Variants in FARP2 observed in about 807,000 individuals in gnomAD.
The protein encoded by FARP2 is FERM, ARHGEF and pleckstrin domain-containing protein 2.
In FARP2, 111 loss-of-function variants were observed where a neutral mutation model predicts 130.5. The observed-to-expected ratio is 0.85, with a 90% CI of 0.73 to 1.00. The LOEUF (loss-of-function observed/expected upper bound fraction) is 1.00. Among genes scored for constraint, FARP2 ranks in the 50% least tolerant of loss-of-function variants. FARP2 has a pLI of 0.00. For missense variants in FARP2, 1,385 were observed against 1,346.3 expected (o/e 1.03, Z -0.45); for synonymous variants, 504 against 516.9 (o/e 0.98, Z 0.34).
At chr2:241,406,129 C>T (rs1490376193) in intron 4 of FARP2, among the ~76,000 whole-genome samples, 16 of 151,748 alleles carry the variant, frequency 1.1e-4, no homozygotes, top group Middle Eastern at 3.2e-3. Flanking sequence ...TGGTGAAACT[C>T]CGCCTCTACT....
chr2:241,360,264 T>G (rs907870514), intron 1 of FARP2, among the ~76,000 whole-genome samples: 1 of 152,102 alleles, frequency 6.6e-6, no homozygotes, highest in African/African-American at 2.4e-5. Flanking sequence ...GATGCCAGGT[T>G]TTATGGAGCT....
At position 241,493,424 on chromosome 2, in the gene FARP2, G is replaced by A. The variant is rs137904208; in HGVS notation, c.3027G>A (p.Glu1009=). 8.1e-5 allele frequency: 130 copies of A among 1,613,764 alleles called. No homozygotes were observed. The African/African-American group carries it at 1.6e-3, about 19-fold the overall frequency. ...CCCACGTCTACTTCTTCCGGGCTGA[G>A]AGCAAGTACACATTTGAAAGGTAAT... The part of the protein sequence containing the change: ...FKSHVYFFRA[E]SKYTFERWME... The change falls in exon 26 of 27, where the codon GAG becomes GAA. Residue 1009 remains glutamate (E), a synonymous_variant. Coordinates refer to ENST00000264042, the MANE Select transcript of FARP2 (RefSeq NM_014808.4).
chr2:241,361,982 C>T (rs556076177), intron 1 of FARP2, among the ~76,000 whole-genome samples: 2 of 152,040 alleles, frequency 1.3e-5, no homozygotes, highest in Admixed American at 6.5e-5. Context: ...GCAACCTCCG[C>T]CTCCCACATT....
intron 2 of FARP2, among the ~76,000 whole-genome samples, chr2:241,389,525 G>A (rs1187818003): frequency 6.6e-6 from 1 of 152,162 alleles, no homozygotes; most frequent in African/African-American, 2.4e-5. Flanking sequence ...CCAGTCTATG[G>A]TGTATTTATT....
At position 241,494,242 on chromosome 2, in the gene FARP2, T is replaced by A; in HGVS notation, c.*117T>A. 3.7e-6 allele frequency: 2 copies of A among 546,620 alleles called. No homozygotes were observed. The highest frequency in any genetic ancestry group is 6.1e-6 in the Non-Finnish European group (2 of 328,756). 33.9% of individuals were successfully genotyped at this position (546,620 alleles called of 1,614,324 possible). On this transcript the variant is annotated 3_prime_UTR_variant, in exon 27 of 27. Transcript: ENST00000264042. This position sits in a 1 kb window ranked among gnomAD's most constrained non-coding sequence, Gnocchi z 4.9. ...GGCTGTGGTCTCACTGGATCCCCAC[T>A]GGCACCAGCAGTGTGGGTGGGCCTC... is the stretch of plus-strand genomic sequence containing the variant.
intron 13 of FARP2, chr2:241,443,736 C>A (rs536405036): frequency 6.6e-6 from 1 of 152,308 alleles, no homozygotes; most frequent in Non-Finnish European, 1.5e-5. Context: ...TGACACTGTT[C>A]AATTTGTCAA....
intron 7 of FARP2, among the ~76,000 whole-genome samples, chr2:241,415,679 G>A (rs1260288383): frequency 6.6e-6 from 1 of 152,320 alleles, no homozygotes; most frequent in South Asian, 2.1e-4. Flanking sequence ...AGTGCAGGAG[G>A]AGGCACCCAC....
At chr2:241,415,139 A>G (rs2062632658) in intron 7 of FARP2, among the ~76,000 whole-genome samples, 1 of 152,146 alleles carries the variant, frequency 6.6e-6, no homozygotes, top group South Asian at 2.1e-4. Flanking sequence ...TGTGTGTGTA[A>G]GTCGGTGCTT....
intron 13 of FARP2, among the ~76,000 whole-genome samples, chr2:241,454,064 A>G (rs2063766552): frequency 6.6e-6 from 1 of 152,012 alleles, no homozygotes; most frequent in Non-Finnish European, 1.5e-5. Flanking sequence ...GATTATAGCC[A>G]TGAGTCACCG....
intron 13 of FARP2, chr2:241,446,888 G>A (rs990805350): frequency 4.6e-5 from 7 of 152,278 alleles, no homozygotes; most frequent in African/African-American, 1.4e-4. Context: ...CATGCCTGAC[G>A]TGTCCCCTAG....
At chr2:241,492,281 T>G (rs900223579) in intron 24 of FARP2, among the ~76,000 whole-genome samples, 49 of 152,242 alleles carry the variant, frequency 3.2e-4, no homozygotes, top group African/African-American at 1.2e-3. Context: ...AGCCCGAGCC[T>G]CTCCCCTGAT....
chr2:241,489,804 T>C (rs953792693), intron 21 of FARP2, 158 bp from the exon 22 acceptor site: 24 of 580,456 alleles, frequency 4.1e-5, no homozygotes, highest in Non-Finnish European at 6.5e-5. Context: ...GGGATACCAG[T>C]GTCCTCCTTG....
chr2:241,370,098 T>G (rs1218651555), intron 1 of FARP2, among the ~76,000 whole-genome samples: 1 of 152,234 alleles, frequency 6.6e-6, no homozygotes, highest in Non-Finnish European at 1.5e-5. Context: ...TAAGAAGAAA[T>G]AAGATCTATT....
chr2:241,369,667 G>A (rs2150294854), intron 1 of FARP2, among the ~76,000 whole-genome samples: 1 of 151,192 alleles, frequency 6.6e-6, no homozygotes, highest in East Asian at 1.9e-4. Flanking sequence ...GAATAAATAA[G>A]AGAAATGACT....
chr2:241,432,440 T>G (rs2063117879), intron 9 of FARP2, among the ~76,000 whole-genome samples: 1 of 152,176 alleles, frequency 6.6e-6, no homozygotes, highest in African/African-American at 2.4e-5. Flanking sequence ...TTGCAGCCTC[T>G]TTGTTCTCTA....
chr2:241,384,917 T>G (rs2061748719), intron 2 of FARP2, among the ~76,000 whole-genome samples: 1 of 152,184 alleles, frequency 6.6e-6, no homozygotes, highest in Admixed American at 6.5e-5. Flanking sequence ...CTGGCTTTAA[T>G]TTACATCAAT....
At chr2:241,377,203 T>G (rs1313503378) in intron 2 of FARP2, among the ~76,000 whole-genome samples, 5 of 152,212 alleles carry the variant, frequency 3.3e-5, no homozygotes, top group African/African-American at 1.2e-4. Flanking sequence ...AGCACTAGCT[T>G]CTTCTGTATT....
chr2:241,421,737 A>G (rs2062814897), intron 8 of FARP2, among the ~76,000 whole-genome samples: 1 of 152,198 alleles, frequency 6.6e-6, no homozygotes, highest in Non-Finnish European at 1.5e-5. Flanking sequence ...CTTTTAGAGG[A>G]GAAAGCTGCC....
At chr2:241,402,585 A>ATTCT (rs1197325016) in intron 2 of FARP2, among the ~76,000 whole-genome samples, 1 of 151,294 alleles carries the variant, frequency 6.6e-6, no homozygotes, top group Non-Finnish European at 1.5e-5. Context: ...GATTATAGAG[A>ATTCT]TTCTTCTCTG....
Sources: gnomAD v4.1 joint callset for allele counts (sites outside exome capture counted in the v4.1 genomes callset) on GRCh38, gnomAD v4.1.1 for gene constraint, Gnocchi (gnomAD v3.1) non-coding constraint, MANE v1.5 for transcripts, NCBI Gene and HGNC (gene_info 2026-07-23, HGNC 2026-07-21) for gene names.